The following COPZ1 variants were observed in gnomAD, a reference collection of about 807,000 sequenced individuals.
COPZ1 encodes coatomer subunit zeta-1.
In COPZ1, 4 loss-of-function variants were observed where a neutral mutation model predicts 31.7. The ratio of observed to expected loss-of-function variants is 0.13; its 90% CI spans 0.06 to 0.29. The LOEUF (loss-of-function observed/expected upper bound fraction) is 0.29. COPZ1 is among the 10% of genes least tolerant of loss of function. The pLI, the probability that COPZ1 is intolerant of heterozygous loss-of-function variation, is 1.00. For synonymous variants in COPZ1, 74 were observed against 79.0 expected (o/e 0.94, Z 0.33); for missense variants, 156 against 211.5 (o/e 0.74, Z 1.63).
At chr12:54,343,452 C>A in intron 4 of COPZ1, 136 bp downstream of exon 4, 1 of 691,900 alleles carries the variant, frequency 1.4e-6, no homozygotes, top group South Asian at 1.8e-5. Context: ...TGTCAGAGAT[C>A]CCACCAGCCT....
chr12:54,345,271 G>A (rs979370624), intron 4 of COPZ1, among the ~76,000 whole-genome samples, 189 bp from the exon 5 acceptor site: 2 of 152,212 alleles, frequency 1.3e-5, no homozygotes, highest in African/African-American at 4.8e-5. Context: ...GTGGAATCAT[G>A]TAGCAGAATT....
intron 1 of COPZ1, among the ~76,000 whole-genome samples, chr12:54,335,181 C>CAAA (rs556631294): frequency 1.1e-5 from 1 of 88,646 alleles, no homozygotes; most frequent in East Asian, 2.8e-4. Flanking sequence ...GAAACTCTGT[C>CAAA]AAAAAAAAAA....
At position 54,325,154 on chromosome 12, in the gene COPZ1, G is replaced by C; in HGVS notation, c.-10G>C. On this transcript the variant is annotated 5_prime_UTR_variant, in exon 1 of 9. Transcript: ENST00000262061. ...TTGCGGCTCCACGTCGGCACCAGCTGCGGGGCAAGATGGAGGCGCTGATTT... is the reference window on the plus strand; with the variant it reads ...TTGCGGCTCCACGTCGGCACCAGCTCCGGGGCAAGATGGAGGCGCTGATTT... 6.4e-7 allele frequency: 1 copy of C among 1,563,204 alleles called. No homozygotes were observed. Among genetic ancestry groups the C allele is most frequent in the Non-Finnish European group, 8.7e-7 (1 of 1,154,154 alleles).
At chr12:54,342,162 T>C in intron 2 of COPZ1, 44 bp from the exon 3 acceptor site, 3 of 1,403,062 alleles carry the variant, frequency 2.1e-6, no homozygotes, top group South Asian at 1.2e-5. Context: ...CATTCTGGCT[T>C]CCAGCTCTAG....
chr12:54,325,984 A>AT (rs1281479427), intron 1 of COPZ1, among the ~76,000 whole-genome samples: 12 of 146,578 alleles, frequency 8.2e-5, no homozygotes, highest in East Asian at 4.1e-4. Flanking sequence ...ACGCCCGGCT[A>AT]TTTTTTTTGT....
chr12:54,347,885 G>A (rs775489747), intron 6 of COPZ1, 41 bp downstream of exon 6: 1 of 1,608,716 alleles, frequency 6.2e-7, no homozygotes. Flanking sequence ...TGAGGTGGCG[G>A]GATAACTGCC....
At chr12:54,341,183 G>C (rs539211711) in intron 2 of COPZ1, among the ~76,000 whole-genome samples, 1 of 152,072 alleles carries the variant, frequency 6.6e-6, no homozygotes, top group Non-Finnish European at 1.5e-5. Context: ...GAGGCAGTCC[G>C]CCCATGTCCA....
intron 1 of COPZ1, among the ~76,000 whole-genome samples, chr12:54,328,520 G>A (rs985564379): frequency 2.6e-5 from 4 of 151,800 alleles, no homozygotes; most frequent in Non-Finnish European, 5.9e-5. Flanking sequence ...GAGCCGAGAT[G>A]CGCCACTGCA....
chr12:54,331,015 A>C (rs1331636717), intron 1 of COPZ1, among the ~76,000 whole-genome samples: 1 of 152,120 alleles, frequency 6.6e-6, no homozygotes, highest in Non-Finnish European at 1.5e-5. Flanking sequence ...TCAGATTATT[A>C]GGGGGATCTC....
intron 1 of COPZ1, among the ~76,000 whole-genome samples, chr12:54,337,805 A>G (rs1156276538): frequency 6.6e-6 from 1 of 152,186 alleles, no homozygotes; most frequent in Non-Finnish European, 1.5e-5. Flanking sequence ...GAGCTCCAGT[A>G]AGCTCTATGT....
At chr12:54,336,669 C>T (rs1290555040) in intron 1 of COPZ1, among the ~76,000 whole-genome samples, 4 of 151,188 alleles carry the variant, frequency 2.6e-5, no homozygotes, top group Admixed American at 1.3e-4. Context: ...TCCCTCTAGT[C>T]CTCTATGCGC....
intron 7 of COPZ1, 51 bp from the exon 8 acceptor site, chr12:54,349,569 G>A (rs1265063714): frequency 3.4e-6 from 5 of 1,467,568 alleles, no homozygotes; most frequent in African/African-American, 2.8e-5. Context: ...CTCCAATCAG[G>A]TCTTACTCCA....
At chr12:54,332,808 G>A (rs1953781120) in intron 1 of COPZ1, among the ~76,000 whole-genome samples, 1 of 151,360 alleles carries the variant, frequency 6.6e-6, no homozygotes, top group Admixed American at 6.6e-5. Context: ...CCTGCTGGCT[G>A]TTAGTTTTCT....
chr12:54,332,664 G>A (rs1040834511), intron 1 of COPZ1, among the ~76,000 whole-genome samples: 44 of 151,728 alleles, frequency 2.9e-4, no homozygotes, highest in African/African-American at 9.7e-4. Context: ...AACCTGGGAG[G>A]TGGAGGTTGC....
At chr12:54,336,319 C>T (rs1432847973) in intron 1 of COPZ1, among the ~76,000 whole-genome samples, 1 of 151,978 alleles carries the variant, frequency 6.6e-6, no homozygotes, top group Non-Finnish European at 1.5e-5. Flanking sequence ...CCGAGGCGGG[C>T]GGATCACGAG....
At position 54,347,979 on chromosome 12, in the gene COPZ1, ATCTCT is replaced by A; in HGVS notation, c.396-17_396-13del. 2 of 1,613,522 alleles carry A rather than the reference ATCTCT, an allele frequency of 1.2e-6. No homozygotes were observed. Among genetic ancestry groups the A allele is most frequent in the Non-Finnish European group, 1.7e-6 (2 of 1,179,644 alleles). On this transcript the variant is annotated splice_polypyrimidine_tract_variant and intron_variant, in intron 6 of 8. Transcript: ENST00000262061. ...GGCCTTCGGGACAGAGTGAACAATG[ATCTCT>A]TCTTTGTTTTTGCAGGGTGATCCTA...
Position 54,340,567 on chromosome 12 carries a change from C to T in COPZ1, c.39C>T (p.Val13=). 2 of 1,614,038 alleles carry T rather than the reference C, an allele frequency of 1.2e-6. No individual in the cohort carries two copies. The highest frequency in any genetic ancestry group is 1.7e-6 in the Non-Finnish European group (2 of 1,179,996). Residue 13 remains valine (V), a synonymous_variant, in exon 2 of 9, where the codon GTC becomes GTT. Coordinates refer to ENST00000262061, the MANE Select transcript of COPZ1 (RefSeq NM_016057.3). ...ALILEPSLYT[V]KAILILDNDG... ...TTCAGGAACCTTCCCTGTATACTGT[C>T]AAAGCCATCCTGATTCTGGACAATG...
intron 5 of COPZ1, among the ~76,000 whole-genome samples, chr12:54,347,501 A>G (rs1954084395): frequency 6.6e-6 from 1 of 152,232 alleles, no homozygotes; most frequent in Non-Finnish European, 1.5e-5. Flanking sequence ...GCAGGTAGGA[A>G]AGAAATAATA....
intron 1 of COPZ1, among the ~76,000 whole-genome samples, chr12:54,326,802 C>T (rs2137080631): frequency 6.6e-6 from 1 of 151,648 alleles, no homozygotes; most frequent in East Asian, 1.9e-4. Flanking sequence ...CCTAAGCATA[C>T]ACATTCAGAT....
Sources: gnomAD v4.1 joint callset for allele counts (sites outside exome capture counted in the v4.1 genomes callset) on GRCh38, gnomAD v4.1.1 for gene constraint, MANE v1.5 for transcripts, NCBI Gene and HGNC (gene_info 2026-07-23, HGNC 2026-07-21) for gene names.